Variants in ZNRF1 observed in about 807,000 individuals in gnomAD.
ZNRF1 encodes E3 ubiquitin-protein ligase ZNRF1.
ZNRF1 carries 3 observed loss-of-function variants against 18.4 expected under a neutral mutation model. The ratio of observed to expected loss-of-function variants is 0.16; its 90% CI spans 0.07 to 0.42. ZNRF1 has a LOEUF of 0.42. ZNRF1 is among the 10% of genes least tolerant of loss of function. The probability of loss-of-function intolerance (pLI) is 0.99; values close to 1 mark genes in which losing one functional copy is unlikely to be tolerated. For missense variants in ZNRF1, 310 were observed against 329.8 expected (o/e 0.94, Z 0.47); for synonymous variants, 157 against 144.2 (o/e 1.09, Z -0.64).
chr16:75,007,059 CTTTT>C (rs11321828), intron 1 of ZNRF1, among the ~76,000 whole-genome samples: 7 of 138,734 alleles, frequency 5.0e-5, no homozygotes, highest in Admixed American at 7.2e-5. Context: ...CAAGTTTAAT[CTTTT>C]TTTTTTTTTT....
chr16:75,095,349 C>CAACA (rs2036185283), intron 2 of ZNRF1, among the ~76,000 whole-genome samples: 2 of 152,096 alleles, frequency 1.3e-5, no homozygotes, highest in Admixed American at 6.5e-5. Flanking sequence ...GTCACATGTG[C>CAACA]TGCAGGCTTC....
intron 1 of ZNRF1, among the ~76,000 whole-genome samples, chr16:75,070,288 G>A (rs1024851926): frequency 7.9e-5 from 12 of 152,270 alleles, no homozygotes; most frequent in Admixed American, 3.3e-4. Flanking sequence ...TCACACCACC[G>A]ATAGCCTGAA....
intron 1 of ZNRF1, among the ~76,000 whole-genome samples, chr16:75,017,110 T>G (rs2035082807): frequency 6.6e-6 from 1 of 152,184 alleles, no homozygotes; most frequent in Non-Finnish European, 1.5e-5. Flanking sequence ...GTCTTTGTAT[T>G]GCAAACAGCA....
chr16:75,051,675 G>T (rs12932065), intron 1 of ZNRF1, among the ~76,000 whole-genome samples: 57,468 of 151,884 alleles, frequency 0.38, 13,072 homozygotes, highest in Non-Finnish European at 0.51. Flanking sequence ...GTGCCACCAC[G>T]CCCAACTAAT....
intron 2 of ZNRF1, among the ~76,000 whole-genome samples, chr16:75,096,546 C>A (rs1297155108): frequency 1.3e-5 from 2 of 152,122 alleles, no homozygotes; most frequent in Non-Finnish European, 2.9e-5. Flanking sequence ...TTCTTGGAAT[C>A]TTTCTGGAAA....
chr16:75,018,402 CTT>C (rs2035099568), intron 1 of ZNRF1, among the ~76,000 whole-genome samples: 2 of 152,232 alleles, frequency 1.3e-5, no homozygotes, highest in Admixed American at 1.3e-4. Flanking sequence ...TTGTAATCCT[CTT>C]TTGTGTTACT....
chr16:75,026,847 A>G (rs1218100891), intron 1 of ZNRF1, among the ~76,000 whole-genome samples: 2 of 152,126 alleles, frequency 1.3e-5, no homozygotes, highest in East Asian at 3.9e-4. Context: ...GAGGCACAAG[A>G]ATCACTTGAA....
chr16:75,085,791 TGAGAGA>T (rs71378737), intron 1 of ZNRF1, among the ~76,000 whole-genome samples: 28 of 139,042 alleles, frequency 2.0e-4, no homozygotes, highest in Middle Eastern at 3.4e-3. Flanking sequence ...TCCGACAGAG[TGAGAGA>T]GAGAGAGAGA....
intron 2 of ZNRF1, among the ~76,000 whole-genome samples, chr16:75,097,330 G>A (rs538573053): frequency 6.6e-6 from 1 of 152,198 alleles, no homozygotes; most frequent in South Asian, 2.1e-4. Context: ...AAGCTTAGGG[G>A]TCCTCAGCCC....
intron 1 of ZNRF1, chr16:75,000,322 T>C: frequency 1.4e-6 from 1 of 718,652 alleles, no homozygotes; most frequent in Admixed American, 2.0e-5. Flanking sequence ...TGTTCACTTG[T>C]GGAAGGGCAG....
rs766420869 is a variant in ZNRF1, at chr16:75,108,888, C to T, written c.*1188C>T. 5 of 258,504 alleles carry T rather than the reference C, an allele frequency of 1.9e-5. No homozygotes were observed. Among genetic ancestry groups the T allele is most frequent in the Admixed American group, 1.1e-4 (2 of 18,384 alleles). The allele number at this position is 258,504 out of a possible 1,614,324, so 16.0% of individuals were successfully genotyped here. On this transcript the variant is annotated 3_prime_UTR_variant, in exon 5 of 5. Coordinates refer to ENST00000335325, the MANE Select transcript of ZNRF1 (RefSeq NM_032268.5). ...TGGGTGGAGGGAGTGGCAAGTCAGG[C>T]GTGCCTCCTACAAGCTTCCTAACCT...
chr16:75,066,934 C>A (rs945959315), intron 1 of ZNRF1, among the ~76,000 whole-genome samples: 1 of 148,902 alleles, frequency 6.7e-6, no homozygotes, highest in Non-Finnish European at 1.5e-5. Context: ...CATTATCTCT[C>A]ACAGTTTTTG....
intron 1 of ZNRF1, among the ~76,000 whole-genome samples, chr16:75,030,931 C>T (rs982789784): frequency 6.6e-6 from 1 of 150,682 alleles, no homozygotes; most frequent in Admixed American, 6.6e-5. Flanking sequence ...ACCTCCGCCT[C>T]CCGGGTTCAA....
rs577104223 is a variant in ZNRF1, at chr16:75,012,799, A to G, written c.424+12704A>G. ...AGACGGGAAGGGCTGAACGGTTATT[A>G]GAAATGTGTTAAGATTTGCTTTCCT... On this transcript the variant is annotated intron_variant, in intron 1 of 4. Transcript: ENST00000335325. Among the ~76,000 whole-genome samples the G allele has an allele frequency of 1.2e-4, 19 of 152,336 alleles. No individual in the cohort carries two copies. The South Asian group carries it at 1.9e-3, about 15-fold the overall frequency.
At chr16:75,106,317 G>A (rs955153822) in intron 3 of ZNRF1, 165 bp from the exon 4 acceptor site, 10 of 665,586 alleles carry the variant, frequency 1.5e-5, no homozygotes, top group Non-Finnish European at 2.6e-5. Flanking sequence ...CCTTCTTCGT[G>A]CTTCAGAAAG....
At chr16:75,102,329 T>C (rs1365573855) in intron 2 of ZNRF1, among the ~76,000 whole-genome samples, 4 of 152,182 alleles carry the variant, frequency 2.6e-5, no homozygotes, top group Admixed American at 2.6e-4. Context: ...TGTGACTTCC[T>C]TGGGCTTCCG....
At chr16:75,013,636 C>T (rs28651133) in intron 1 of ZNRF1, among the ~76,000 whole-genome samples, 7,864 of 152,138 alleles carry the variant, frequency 0.052, 621 homozygotes, top group African/African-American at 0.17. Context: ...TGAGCCACCG[C>T]GCCAGGCCTG....
intron 1 of ZNRF1, among the ~76,000 whole-genome samples, chr16:75,011,010 G>A (rs2034993197): frequency 6.6e-6 from 1 of 152,096 alleles, no homozygotes; most frequent in African/African-American, 2.4e-5. Context: ...TGCCCAGCTG[G>A]GAGAAGCTTT....
intron 1 of ZNRF1, among the ~76,000 whole-genome samples, chr16:75,032,452 A>G (rs1319038863): frequency 6.6e-6 from 1 of 152,018 alleles, no homozygotes; most frequent in Non-Finnish European, 1.5e-5. Context: ...CCTTGGAGAA[A>G]TGTCTATGCA....
Sources: allele counts gnomAD v4.1 joint callset (sites outside exome capture counted in the v4.1 genomes callset), GRCh38; gene constraint gnomAD v4.1.1; transcripts MANE v1.5; gene names NCBI Gene and HGNC (gene_info 2026-07-23, HGNC 2026-07-21).